CTNNA2: variants seen among roughly 807,000 people sequenced by gnomAD.
CTNNA2 encodes catenin alpha-2.
Under a neutral mutation model 101.0 loss-of-function variants are expected in CTNNA2, and 42 were observed. The ratio of observed to expected loss-of-function variants is 0.42; its 90% CI spans 0.32 to 0.54. The LOEUF is 0.54. CTNNA2 is among the 20% of genes least tolerant of loss of function. The probability of loss-of-function intolerance (pLI) is 0.14; values close to 1 mark genes in which losing one functional copy is unlikely to be tolerated. For synonymous variants in CTNNA2, 450 were observed against 456.4 expected (o/e 0.99, Z 0.18); for missense variants, 871 against 1,223.1 (o/e 0.71, Z 4.29).
intron 2 of CTNNA2, among the ~76,000 whole-genome samples, chr2:79,677,816 G>T (rs1325086980): frequency 2.6e-5 from 4 of 152,128 alleles, no homozygotes; most frequent in Non-Finnish European, 5.9e-5. Flanking sequence ...ACAATAATTT[G>T]TAAAAAATAA....
At chr2:80,198,052 T>A (rs555595610) in intron 7 of CTNNA2, among the ~76,000 whole-genome samples, 1 of 152,244 alleles carries the variant, frequency 6.6e-6, no homozygotes, top group East Asian at 1.9e-4. Context: ...TAAGAAAACA[T>A]TTAGAAAAGG....
At chr2:79,860,553 T>TTTTTTTGTTTG (rs1553385389) in intron 4 of CTNNA2, among the ~76,000 whole-genome samples, 1 of 149,808 alleles carries the variant, frequency 6.7e-6, no homozygotes, top group Non-Finnish European at 1.5e-5. Flanking sequence ...GAAGTTTTTT[T>TTTTTTTGTTTG]TTTTTTTTTT....
At chr2:79,949,542 A>C (rs1558666875) in intron 7 of CTNNA2, among the ~76,000 whole-genome samples, 1 of 152,196 alleles carries the variant, frequency 6.6e-6, no homozygotes, top group Non-Finnish European at 1.5e-5. Flanking sequence ...CAAAGGCAGG[A>C]GGATCACTTG....
Position 80,227,240 on chromosome 2 carries a change from C to T in CTNNA2, c.1057-165971C>T, listed in dbSNP as rs977529. Among the ~76,000 whole-genome samples the T allele has an allele frequency of 1.4e-4, 21 of 152,226 alleles. No homozygotes were observed. The East Asian group carries it at 4.1e-3, about 29-fold the overall frequency. On this transcript the variant is annotated intron_variant, in intron 7 of 18. Coordinates refer to ENST00000402739, the MANE Select transcript of CTNNA2 (RefSeq NM_001282597.3). ...CTGTGTTTCCAAGAAGGGACACCAC[C>T]TTAGGCATTATTTCATGAAATAATA...
intron 3 of CTNNA2, among the ~76,000 whole-genome samples, chr2:79,782,802 G>A (rs962706740): frequency 3.6e-4 from 54 of 152,038 alleles, no homozygotes; most frequent in African/African-American, 1.2e-3. Context: ...TTGGGGCCTC[G>A]CAAGGGGAAG....
At chr2:80,331,017 G>C (rs956782884) in intron 7 of CTNNA2, among the ~76,000 whole-genome samples, 1 of 122,678 alleles carries the variant, frequency 8.2e-6, no homozygotes, top group Non-Finnish European at 1.6e-5. Context: ...CCTTTAAACT[G>C]TATGTTTTTT....
chr2:80,544,743 C>T (rs1319368335), intron 9 of CTNNA2, among the ~76,000 whole-genome samples: 3 of 152,146 alleles, frequency 2.0e-5, no homozygotes, highest in Non-Finnish European at 4.4e-5. Context: ...TCATAAAACC[C>T]TGTTAAAACA....
chr2:79,910,585 C>T (rs1349099985), intron 7 of CTNNA2, among the ~76,000 whole-genome samples: 2 of 152,102 alleles, frequency 1.3e-5, no homozygotes, highest in African/African-American at 2.4e-5. Context: ...CCTGGACTTT[C>T]GGGTTTGAGA....
intron 7 of CTNNA2, among the ~76,000 whole-genome samples, chr2:80,007,086 A>G (rs1693424288): frequency 1.3e-5 from 2 of 152,184 alleles, no homozygotes; most frequent in South Asian, 4.1e-4. Flanking sequence ...TAGTGGAGCT[A>G]GAGCTATTTG....
In CTNNA2 at chr2:80,166,982, T is replaced by G. The variant is rs1212225793; in HGVS notation, c.1057-226229T>G. Among the ~76,000 whole-genome samples, 4 of 152,024 alleles carry G rather than the reference T, an allele frequency of 2.6e-5. No homozygotes were observed. The East Asian group carries it at 7.7e-4, about 29-fold the overall frequency. On this transcript the variant is annotated intron_variant, in intron 7 of 18. Coordinates refer to ENST00000402739, the MANE Select transcript of CTNNA2 (RefSeq NM_001282597.3). The stretch of plus-strand genomic sequence containing the variant: ...AAAGAAAACCCAGGGGACTCACCAC[T>G]GTCCTTCTACAGATCCTGTAATCCC...
intron 7 of CTNNA2, among the ~76,000 whole-genome samples, chr2:80,212,258 A>T (rs1707942245): frequency 6.6e-6 from 1 of 152,140 alleles, no homozygotes. Context: ...CATTATGTTG[A>T]ATAGAAGTGG....
chr2:80,483,688 CA>C (rs1232757900), intron 9 of CTNNA2, among the ~76,000 whole-genome samples: 6 of 152,076 alleles, frequency 3.9e-5, no homozygotes, highest in Admixed American at 6.5e-5. Context: ...AACTCTTTAC[CA>C]AAAACTTATT....
chr2:79,728,426 G>T (rs182620441), intron 2 of CTNNA2, among the ~76,000 whole-genome samples: 11 of 152,262 alleles, frequency 7.2e-5, no homozygotes, highest in Non-Finnish European at 1.6e-4. Context: ...TGATGAGGTT[G>T]TTTGTTTTTT....
chr2:80,203,755 G>T (rs543868148), intron 7 of CTNNA2, among the ~76,000 whole-genome samples: 4 of 152,312 alleles, frequency 2.6e-5, no homozygotes, highest in African/African-American at 9.6e-5. Flanking sequence ...ACTAGGTGGT[G>T]CCCCAGTAGG....
intron 7 of CTNNA2, among the ~76,000 whole-genome samples, chr2:80,281,844 T>G (rs1674408444): frequency 6.6e-6 from 1 of 152,190 alleles, no homozygotes; most frequent in Middle Eastern, 3.4e-3. Context: ...GTATATATGG[T>G]TAGTGTAATA....
chr2:80,593,657 C>T (rs1475279825), intron 15 of CTNNA2, among the ~76,000 whole-genome samples: 1 of 152,104 alleles, frequency 6.6e-6, no homozygotes, highest in Non-Finnish European at 1.5e-5. Context: ...ATGTAAACTC[C>T]CCATCTGCCT....
chr2:80,335,456 G>A (rs1057208702), intron 7 of CTNNA2, among the ~76,000 whole-genome samples: 1 of 152,096 alleles, frequency 6.6e-6, no homozygotes, highest in African/African-American at 2.4e-5. Flanking sequence ...CTCTGCCTGG[G>A]GTCAGACCAC....
In CTNNA2 at chr2:79,896,456, C is replaced by T. The variant is rs537226083; in HGVS notation, c.853-13138C>T. ...TATATTCATCTGCAAATATTAGGTT[C>T]ACTGTAGTGACCTATTTTGCTCCAG... On this transcript the variant is annotated intron_variant, in intron 6 of 18. Transcript: ENST00000402739. Among the ~76,000 whole-genome samples, 86 of 152,282 alleles carry T rather than the reference C, an allele frequency of 5.6e-4. 1 individual carries two copies. The highest frequency in any genetic ancestry group is 5.6e-4 in the Non-Finnish European group (38 of 68,026).
At chr2:79,289,688 T>A (rs1675740648) in intron 2 of CTNNA2, among the ~76,000 whole-genome samples, 1 of 152,118 alleles carries the variant, frequency 6.6e-6, no homozygotes, top group Non-Finnish European at 1.5e-5. Flanking sequence ...GAGATTGCAG[T>A]GAGCTGAGAT....
Sources: gnomAD v4.1 joint callset for allele counts (sites outside exome capture counted in the v4.1 genomes callset) on GRCh38, gnomAD v4.1.1 for gene constraint, MANE v1.5 for transcripts, NCBI Gene and HGNC (gene_info 2026-07-23, HGNC 2026-07-21) for gene names.